JAKMIP1: variants seen among roughly 807,000 people sequenced by gnomAD.
JAKMIP1 encodes the protein janus kinase and microtubule-interacting protein 1.
Under a neutral mutation model 113.0 loss-of-function variants are expected in JAKMIP1, and 33 were observed. The ratio of observed to expected loss-of-function variants is 0.29; its 90% CI spans 0.22 to 0.39. The LOEUF is 0.39. Among genes scored for constraint, JAKMIP1 ranks in the 10% least tolerant of loss-of-function variants. JAKMIP1 has a pLI of 1.00. For missense variants in JAKMIP1, 813 were observed against 1,080.5 expected (o/e 0.75, Z 3.47); for synonymous variants, 480 against 459.9 (o/e 1.04, Z -0.56).
chr4:6,060,354 C>T (rs987254127), intron 11 of JAKMIP1, 70 bp downstream of exon 11: 104 of 1,199,818 alleles, frequency 8.7e-5, no homozygotes, highest in Admixed American at 6.7e-4. Flanking sequence ...GGCACAAGGG[C>T]GAGCCCCAGG....
At position 6,029,742 on chromosome 4, in the gene JAKMIP1, G is replaced by T; in HGVS notation, c.2419C>A (p.Arg807=). The change falls in exon 20 of 21, where the codon CGG becomes AGG. Residue 807 remains arginine (R), a synonymous_variant. Coordinates refer to ENST00000409021, the MANE Select transcript of JAKMIP1 (RefSeq NM_001099433.2). ...ELEDKLEFQK[R]HLKELEEKFL... ...TTTTCCTCCAGTTCTTTCAGGTGCC[G>T]CTTCTGAAACTCCAGTTTGTCCTCC... The T allele has an allele frequency of 6.2e-7, 1 of 1,604,404 alleles. No individual in the cohort carries two copies. The highest frequency in any genetic ancestry group is 8.5e-7 in the Non-Finnish European group (1 of 1,175,216).
In JAKMIP1 at chr4:6,184,352, C is replaced by T. The variant is rs115352375; in HGVS notation, c.-148+15901G>A. Among the ~76,000 whole-genome samples the T allele has an allele frequency of 1.6e-3, 248 of 152,302 alleles. No homozygotes were observed. Among genetic ancestry groups the T allele is most frequent in the African/African-American group, 5.5e-3 (227 of 41,566 alleles). Reference sequence around the variant, plus strand: ...AGGAAGGGGGCATGCCTCGAACACACGCCTCCCTACTCCCAGCCCACTGCT... The same window carrying T: ...AGGAAGGGGGCATGCCTCGAACACATGCCTCCCTACTCCCAGCCCACTGCT... On this transcript the variant is annotated intron_variant, in intron 1 of 20. Transcript: ENST00000409021. This position sits in a 1 kb window ranked among gnomAD's most constrained non-coding sequence, Gnocchi z 4.5.
intron 1 of JAKMIP1, among the ~76,000 whole-genome samples, chr4:6,128,060 G>T (rs528057460): frequency 2.5e-4 from 38 of 152,336 alleles, no homozygotes; most frequent in Admixed American, 2.4e-3. Context: ...AAGATGCCCT[G>T]TAAAGGCTGT....
rs774428992 is a variant in JAKMIP1, at chr4:6,185,022, C to A, written c.-148+15231G>T. On this transcript the variant is annotated intron_variant, in intron 1 of 20. Coordinates refer to ENST00000409021, the MANE Select transcript of JAKMIP1 (RefSeq NM_001099433.2). This position sits in a 1 kb window ranked among gnomAD's most constrained non-coding sequence, Gnocchi z 5.3. ...GAACATCAGACTCCAAGTTCTTCAG[C>A]GTTTGGCCTCTTGGACTTCCACCAG... Among the ~76,000 whole-genome samples the A allele has an allele frequency of 2.0e-5, 3 of 152,184 alleles. No homozygotes were observed. The highest frequency in any genetic ancestry group is 6.5e-5 in the Admixed American group (1 of 15,284).
chr4:6,095,541 C>T (rs1378275786), intron 3 of JAKMIP1, among the ~76,000 whole-genome samples: 1 of 152,120 alleles, frequency 6.6e-6, no homozygotes, highest in Non-Finnish European at 1.5e-5. Context: ...GTTTTTTAAC[C>T]TTCTGTGTTC....
intron 3 of JAKMIP1, among the ~76,000 whole-genome samples, chr4:6,105,249 A>C (rs1227342666): frequency 6.6e-6 from 1 of 152,212 alleles, no homozygotes; most frequent in African/African-American, 2.4e-5. Flanking sequence ...AACCCTCGCT[A>C]GTCTCCATTA....
At chr4:6,101,426 T>C (rs1713009415) in intron 3 of JAKMIP1, among the ~76,000 whole-genome samples, 1 of 152,200 alleles carries the variant, frequency 6.6e-6, no homozygotes, top group South Asian at 2.1e-4. Context: ...TCCATTGACG[T>C]GTCTCTCTAA....
intron 3 of JAKMIP1, among the ~76,000 whole-genome samples, chr4:6,098,968 A>G (rs936680705): frequency 1.3e-5 from 2 of 152,208 alleles, no homozygotes; most frequent in African/African-American, 2.4e-5. Context: ...TGGTTCTGAC[A>G]CCACGGCTGG....
In JAKMIP1 at chr4:6,106,554, C is replaced by T. The variant is rs1267772204; in HGVS notation, c.130-587G>A. On this transcript the variant is annotated intron_variant, in intron 2 of 20. Coordinates refer to ENST00000409021, the MANE Select transcript of JAKMIP1 (RefSeq NM_001099433.2). The surrounding 1 kb of genome is among the most constrained non-coding windows in gnomAD (Gnocchi z 5.9). ...CTCCCTCTCTCCTCTCTCTCTCTCT[C>T]TCTTCCTCTCTCTCTCCTCTGTTTT... 6.6e-6 allele frequency among the ~76,000 whole-genome samples: 1 copy of T among 151,896 alleles called. No individual in the cohort carries two copies. The highest frequency in any genetic ancestry group is 1.5e-5 in the Non-Finnish European group (1 of 67,990).
intron 1 of JAKMIP1, among the ~76,000 whole-genome samples, chr4:6,134,216 T>C (rs1718919886): frequency 6.6e-6 from 1 of 152,212 alleles, no homozygotes; most frequent in East Asian, 1.9e-4. Context: ...TGCCGCCATG[T>C]AAGACATGCC....
chr4:6,110,308 C>A (rs535467262), intron 2 of JAKMIP1, among the ~76,000 whole-genome samples: 1 of 152,012 alleles, frequency 6.6e-6, no homozygotes, highest in Non-Finnish European at 1.5e-5. Context: ...AGGGAGAAGG[C>A]GGCCGTCTGC....
Position 6,158,290 on chromosome 4 carries a change from G to A in JAKMIP1, c.-148+41963C>T, listed in dbSNP as rs1429124893. 6.6e-6 allele frequency among the ~76,000 whole-genome samples: 1 copy of A among 152,186 alleles called. No homozygotes were observed. The highest frequency in any genetic ancestry group is 1.5e-5 in the Non-Finnish European group (1 of 68,024). ...AAGCTCAGCTATGAAGCACTTGAAA[G>A]CCCAGAACCTAACATCATAGGGATG... On this transcript the variant is annotated intron_variant, in intron 1 of 20. Coordinates refer to ENST00000409021, the MANE Select transcript of JAKMIP1 (RefSeq NM_001099433.2). This position sits in a 1 kb window ranked among gnomAD's most constrained non-coding sequence, Gnocchi z 5.3.
chr4:6,036,036 C>A lies in JAKMIP1; in HGVS notation c.2247G>T (p.Ala749=). 1 of 1,554,470 alleles carries A rather than the reference C, an allele frequency of 6.4e-7. No individual in the cohort carries two copies. Among genetic ancestry groups the A allele is most frequent in the Non-Finnish European group, 8.7e-7 (1 of 1,148,584 alleles). Residue 749 remains alanine (A), a synonymous_variant, in exon 19 of 21, where the codon GCG becomes GCT. Coordinates refer to ENST00000409021, the MANE Select transcript of JAKMIP1 (RefSeq NM_001099433.2). ...QQEPGRRAGE[A]LSEGQREDLQ... is the part of the protein sequence containing the mutation. ...GGTCCTCCCGCTGGCCCTCGCTCAGCGCCTCACCGGCCCTCCGCCCCGGCT... is the reference window on the plus strand; with the variant it reads ...GGTCCTCCCGCTGGCCCTCGCTCAGAGCCTCACCGGCCCTCCGCCCCGGCT...
rs560118663 is a variant in JAKMIP1, at chr4:6,042,874, G to A, written c.2029-647C>T. 8.5e-5 allele frequency among the ~76,000 whole-genome samples: 13 copies of A among 152,166 alleles called. No individual in the cohort carries two copies. The East Asian group carries it at 1.2e-3, about 14-fold the overall frequency. On this transcript the variant is annotated intron_variant, in intron 16 of 20. Coordinates refer to ENST00000409021, the MANE Select transcript of JAKMIP1 (RefSeq NM_001099433.2). This position sits in a 1 kb window ranked among gnomAD's most constrained non-coding sequence, Gnocchi z 5.2. The stretch of plus-strand genomic sequence containing the variant: ...AGGGTTCATGCCAGGACATGAGGGC[G>A]CAGGCACGGAGAGTACGGGGTGAAC...
rs1400596049 is a variant in JAKMIP1 at position 6,183,145 on chromosome 4, C to T, written c.-148+17108G>A. Among the ~76,000 whole-genome samples, 3 of 152,194 alleles carry T rather than the reference C, an allele frequency of 2.0e-5. No individual in the cohort carries two copies. The highest frequency in any genetic ancestry group is 7.2e-5 in the African/African-American group (3 of 41,454). On this transcript the variant is annotated intron_variant, in intron 1 of 20. Coordinates refer to ENST00000409021, the MANE Select transcript of JAKMIP1 (RefSeq NM_001099433.2). This position sits in a 1 kb window ranked among gnomAD's most constrained non-coding sequence, Gnocchi z 5.3. ...ACAATACCACAGATATCTAGACACA[C>T]AGATACAGGTGCCCTGCGAAGGGGT...
Position 6,105,977 on chromosome 4 carries a change from G to A in JAKMIP1, c.130-10C>T. The A allele has an allele frequency of 6.4e-7, 1 of 1,553,562 alleles. No individual in the cohort carries two copies. Among genetic ancestry groups the A allele is most frequent in the Non-Finnish European group, 8.7e-7 (1 of 1,143,158 alleles). The stretch of plus-strand genomic sequence containing the variant: ...CGCGCAGTTTGCCCACCTGCAGCCA[G>A]AGCGGCGAGAGAGCCGGTCAGGGTC... On this transcript the variant is annotated splice_polypyrimidine_tract_variant and intron_variant, in intron 2 of 20. Transcript: ENST00000409021.
intron 1 of JAKMIP1, 70 bp from the exon 2 acceptor site, chr4:6,113,067 C>T: frequency 1.5e-6 from 1 of 684,280 alleles, no homozygotes. Flanking sequence ...GCCTCGGGCA[C>T]CCTGGGCCAG....
intron 16 of JAKMIP1, among the ~76,000 whole-genome samples, chr4:6,046,577 C>A (rs957814393): frequency 8.5e-6 from 1 of 118,220 alleles, no homozygotes; most frequent in African/African-American, 3.2e-5. Flanking sequence ...CAGGGGCAGG[C>A]GGGCGGCAGT....
rs367969479 is a variant in JAKMIP1 at position 6,185,788 on chromosome 4, T to C, written c.-148+14465A>G. ...CTCATTTTGAGAACCACTTCTCAGA[T>C]CTGTTCACTACAAACCCTCCTGATT... On this transcript the variant is annotated intron_variant, in intron 1 of 20. Transcript: ENST00000409021. The surrounding 1 kb of genome is among the most constrained non-coding windows in gnomAD (Gnocchi z 5.3). 2.6e-5 allele frequency among the ~76,000 whole-genome samples: 4 copies of C among 152,334 alleles called. No homozygotes were observed. Among genetic ancestry groups the C allele is most frequent in the African/African-American group, 9.6e-5 (4 of 41,574 alleles).
Sources: gnomAD v4.1 joint callset for allele counts (sites outside exome capture counted in the v4.1 genomes callset) on GRCh38, gnomAD v4.1.1 for gene constraint, Gnocchi (gnomAD v3.1) non-coding constraint, MANE v1.5 for transcripts, NCBI Gene and HGNC (gene_info 2026-07-23, HGNC 2026-07-21) for gene names.